The following CDKL5 variants were observed in gnomAD, a reference collection of about 807,000 sequenced individuals.
CDKL5 encodes the protein cyclin dependent kinase like 5.
In CDKL5, 8 loss-of-function variants were observed where a neutral mutation model predicts 61.7. The ratio of observed to expected loss-of-function variants is 0.13; its 90% CI spans 0.08 to 0.23. CDKL5 has a LOEUF of 0.23. Ranked by LOEUF, CDKL5 falls within the 10% of genes least tolerant of loss-of-function variation. The pLI is 1.00. For synonymous variants in CDKL5, 275 were observed against 272.3 expected (o/e 1.01, Z -0.10); for missense variants, 440 against 734.5 (o/e 0.60, Z 4.63).
intron 3 of CDKL5, among the ~76,000 whole-genome samples, chrX:18,528,271 C>CT (rs952297370): frequency 1.3e-5 from 1 of 79,893 alleles, no homozygotes; most frequent in Non-Finnish European, 2.3e-5. Context: ...CCTGCTGTAT[C>CT]TATCGGTTAC....
chrX:18,489,955 T>C (rs1921932887), intron 1 of CDKL5, among the ~76,000 whole-genome samples: 1 of 111,192 alleles, frequency 9.0e-6, no homozygotes, highest in Non-Finnish European at 1.9e-5. Context: ...GGCACATATA[T>C]ATTCTCAGCA....
chrX:18,489,764 AG>A (rs1233736212), intron 1 of CDKL5, among the ~76,000 whole-genome samples: 1 of 110,162 alleles, frequency 9.1e-6, no homozygotes, highest in Admixed American at 9.7e-5. Flanking sequence ...ACCAAGCTGT[AG>A]GGGGCCAGGC....
At chrX:18,478,286 CTTT>C (rs199921816) in intron 1 of CDKL5, among the ~76,000 whole-genome samples, 3 of 64,910 alleles carry the variant, frequency 4.6e-5, no homozygotes, top group African/African-American at 1.5e-4. Context: ...CTTTTCTTTC[CTTT>C]TTTTTTTTTT....
chrX:18,571,085 G>A (rs1925121938), intron 4 of CDKL5, among the ~76,000 whole-genome samples: 1 of 111,336 alleles, frequency 9.0e-6, no homozygotes, highest in Non-Finnish European at 1.9e-5. Flanking sequence ...GAGTCCTTCT[G>A]AATAATCCAG....
At chrX:18,555,392 G>A (rs989001017) in intron 3 of CDKL5, among the ~76,000 whole-genome samples, 1 of 112,109 alleles carries the variant, frequency 8.9e-6, no homozygotes, top group Non-Finnish European at 1.9e-5. Flanking sequence ...ATGATTTTTA[G>A]TGCACAAAAC....
intron 1 of CDKL5, among the ~76,000 whole-genome samples, chrX:18,476,265 G>C (rs1569190924): frequency 9.0e-6 from 1 of 111,153 alleles, no homozygotes; most frequent in East Asian, 2.8e-4. Context: ...GCCCAGGCTG[G>C]AGTGCAGTGG....
At chrX:18,468,931 A>G (rs1434245656) in intron 1 of CDKL5, among the ~76,000 whole-genome samples, 1 of 111,771 alleles carries the variant, frequency 8.9e-6, no homozygotes, top group African/African-American at 3.3e-5. Context: ...TAATGTCACA[A>G]TCATGAAAGA....
At chrX:18,624,794 G>A (rs984358196) in intron 16 of CDKL5, among the ~76,000 whole-genome samples, 1 of 111,813 alleles carries the variant, frequency 8.9e-6, no homozygotes, top group Non-Finnish European at 1.9e-5. Flanking sequence ...ATGAGGATAC[G>A]ACAGCAATTC....
At chrX:18,477,709 G>A (rs1212377760) in intron 1 of CDKL5, among the ~76,000 whole-genome samples, 5 of 111,166 alleles carry the variant, frequency 4.5e-5, no homozygotes, top group Admixed American at 9.6e-5. Flanking sequence ...TATAGAAACC[G>A]TTCCTTCCAT....
intron 3 of CDKL5, among the ~76,000 whole-genome samples, chrX:18,557,516 A>C (rs1446840312): frequency 9.0e-6 from 1 of 111,447 alleles, no homozygotes; most frequent in African/African-American, 3.3e-5. Flanking sequence ...AAATGGCTTA[A>C]TCCGTGAATA....
In CDKL5 at chrX:18,633,209, T is replaced by C. The variant is rs746273240; in HGVS notation, c.*4452T>C. ...GTGGGTTCTAAGATCCACAGACTCA[T>C]ACTTTTGTGAACTTTGGAATGTGGT... On this transcript the variant is annotated 3_prime_UTR_variant, in exon 18 of 18. Coordinates refer to ENST00000623535, the MANE Select transcript of CDKL5 (RefSeq NM_001323289.2). 1,033 of 753,117 alleles carry C rather than the reference T, an allele frequency of 1.4e-3. 3 individuals are homozygous for C. The highest frequency in any genetic ancestry group is 1.5e-3 in the Non-Finnish European group (988 of 639,259). 62.1% of individuals were successfully genotyped at this position (753,117 alleles called of 1,213,427 possible).
intron 11 of CDKL5, 112 bp from the exon 12 acceptor site, chrX:18,603,790 T>A: frequency 3.3e-6 from 3 of 911,534 alleles, no homozygotes; most frequent in Non-Finnish European, 4.8e-6. Context: ...TTGAGAGAAT[T>A]AATGTTTTTA....
At chrX:18,603,756 T>G (rs1926248495) in intron 11 of CDKL5, 146 bp from the exon 12 acceptor site, 1 of 666,722 alleles carries the variant, frequency 1.5e-6, no homozygotes, top group Non-Finnish European at 2.4e-6. Flanking sequence ...GTTGATAGGT[T>G]ACTTGTTATT....
In CDKL5 at chrX:18,526,423, C is replaced by T. The variant is rs771242989; in HGVS notation, c.99+15569C>T. Among the ~76,000 whole-genome samples, 3 of 111,490 alleles carry T rather than the reference C, an allele frequency of 2.7e-5. No homozygotes were observed. The East Asian group carries it at 8.4e-4, about 31-fold the overall frequency. On this transcript the variant is annotated intron_variant, in intron 3 of 17. Transcript: ENST00000623535. Reference sequence around the variant, plus strand: ...AACAAAACAGTTTTATTTCTTTCTTCCCAATTTGTATATCTTTTCTTTCCT... The same window carrying T: ...AACAAAACAGTTTTATTTCTTTCTTTCCAATTTGTATATCTTTTCTTTCCT...
chrX:18,434,001 G>A (rs1931556201), intron 1 of CDKL5, among the ~76,000 whole-genome samples: 1 of 112,068 alleles, frequency 8.9e-6, no homozygotes, highest in Admixed American at 9.5e-5. Flanking sequence ...ACTGGATTGT[G>A]ATGGGATTTG....
intron 16 of CDKL5, among the ~76,000 whole-genome samples, chrX:18,620,573 A>T (rs186065944): frequency 9.0e-6 from 1 of 111,196 alleles, no homozygotes; most frequent in Non-Finnish European, 1.9e-5. Context: ...GGGACCGTTC[A>T]CATCACTTCA....
rs761951403 is a variant in CDKL5, at chrX:18,629,456, AAT to A, written c.*710_*711del. The stretch of plus-strand genomic sequence containing the variant: ...ATCAGGAGTATTTTATTCTATATAT[AAT>A]ATATATATATGGTAAATATCTGTTT... On this transcript the variant is annotated 3_prime_UTR_variant, in exon 18 of 18. Transcript: ENST00000623535. 321 of 524,740 alleles carry A rather than the reference AAT, an allele frequency of 6.1e-4. No homozygotes were observed. Among genetic ancestry groups the A allele is most frequent in the Middle Eastern group, 4.8e-3 (4 of 837 alleles). 43.2% of individuals were successfully genotyped at this position (524,740 alleles called of 1,213,427 possible).
intron 1 of CDKL5, among the ~76,000 whole-genome samples, chrX:18,434,644 T>C (rs1473133706): frequency 1.8e-5 from 2 of 112,255 alleles, no homozygotes; most frequent in Non-Finnish European, 3.8e-5. Context: ...TTTTGTATTA[T>C]GGGCCAGGCA....
At chrX:18,453,764 G>A (rs969205858) in intron 1 of CDKL5, among the ~76,000 whole-genome samples, 20 of 111,096 alleles carry the variant, frequency 1.8e-4, no homozygotes, top group Non-Finnish European at 3.6e-4. Context: ...CTCCATTAAG[G>A]TATAAATTCT....
Sources: allele counts gnomAD v4.1 joint callset (sites outside exome capture counted in the v4.1 genomes callset), GRCh38; gene constraint gnomAD v4.1.1; transcripts MANE v1.5; gene names NCBI Gene and HGNC (gene_info 2026-07-23, HGNC 2026-07-21).